The following LRP1B variants were observed in gnomAD, a reference collection of about 807,000 sequenced individuals.
The protein encoded by LRP1B is low-density lipoprotein receptor-related protein 1B.
In LRP1B, 217 loss-of-function variants were observed where a neutral mutation model predicts 556.6. The ratio of observed to expected loss-of-function variants is 0.39; its 90% CI spans 0.35 to 0.44. The LOEUF is 0.44. Ranked by LOEUF, LRP1B falls within the 20% of genes least tolerant of loss-of-function variation. LRP1B has a pLI of 1.00. For missense variants in LRP1B, 5,053 were observed against 5,620.8 expected, an observed-to-expected ratio of 0.90 and a Z score of 3.23; for synonymous variants, 2,047 against 1,865.8, an observed-to-expected ratio of 1.10 and a Z score of -2.50.
At position 140,291,100 on chromosome 2, in the gene LRP1B, CAT is replaced by C. The variant is rs545689751; in HGVS notation, c.12967+6706_12967+6707del. ...ACGTCTCCGGGATGAAAATATTACA[CAT>C]GTTTACTGAGTGTGATTTATCTTGC... On this transcript the variant is annotated intron_variant, in intron 84 of 90. Coordinates refer to ENST00000389484, the MANE Select transcript of LRP1B (RefSeq NM_018557.3). Among the ~76,000 whole-genome samples the C allele has an allele frequency of 2.2e-3, 328 of 151,470 alleles. 1 individual carries two copies. The highest frequency in any genetic ancestry group is 5.9e-3 in the African/African-American group (246 of 41,424).
At chr2:141,705,396 T>A (rs980127785) in intron 2 of LRP1B, among the ~76,000 whole-genome samples, 2 of 151,900 alleles carry the variant, frequency 1.3e-5, no homozygotes, top group Non-Finnish European at 2.9e-5. Context: ...ACCAGAGCCT[T>A]TCTCAGCTTC....
At chr2:140,755,814 T>C (rs929013451) in intron 35 of LRP1B, among the ~76,000 whole-genome samples, 2 of 151,964 alleles carry the variant, frequency 1.3e-5, no homozygotes, top group Non-Finnish European at 2.9e-5. Flanking sequence ...CTGTTTAACA[T>C]AGTACTGAAA....
At chr2:142,097,216 C>G (rs1169069933) in intron 1 of LRP1B, among the ~76,000 whole-genome samples, 2 of 151,752 alleles carry the variant, frequency 1.3e-5, no homozygotes, top group South Asian at 4.1e-4. Flanking sequence ...CATAAGAAAA[C>G]CTTCACACAT....
At chr2:141,519,503 G>A (rs11677666) in intron 2 of LRP1B, among the ~76,000 whole-genome samples, 96,223 of 150,436 alleles carry the variant, frequency 0.64, 30,919 homozygotes, top group South Asian at 0.7. Flanking sequence ...TGAATTCTCA[G>A]TTGAAGTATG....
chr2:141,728,177 T>C (rs1693117688), intron 2 of LRP1B, among the ~76,000 whole-genome samples: 1 of 152,098 alleles, frequency 6.6e-6, no homozygotes, highest in Admixed American at 6.6e-5. Flanking sequence ...GAGAAGAACT[T>C]GCAAAGCAAA....
intron 2 of LRP1B, among the ~76,000 whole-genome samples, chr2:141,551,563 T>G (rs1040695924): frequency 2.0e-5 from 3 of 152,098 alleles, no homozygotes; most frequent in African/African-American, 7.2e-5. Flanking sequence ...CGAACAATTT[T>G]GGCAAAATGA....
At chr2:141,457,254 T>C (rs1249696330) in intron 3 of LRP1B, among the ~76,000 whole-genome samples, 2 of 152,142 alleles carry the variant, frequency 1.3e-5, no homozygotes, top group African/African-American at 4.8e-5. Flanking sequence ...TTTAGGTTAC[T>C]ATATGGAAGG....
chr2:140,575,162 T>C (rs1368844040), intron 43 of LRP1B, among the ~76,000 whole-genome samples: 2 of 152,112 alleles, frequency 1.3e-5, no homozygotes, highest in African/African-American at 2.4e-5. Context: ...TGTATAGATA[T>C]GAGGAGTTGA....
chr2:141,434,829 G>A (rs1332969749), intron 3 of LRP1B, among the ~76,000 whole-genome samples: 2 of 152,126 alleles, frequency 1.3e-5, no homozygotes, highest in African/African-American at 4.8e-5. Flanking sequence ...TATTCCCCCA[G>A]TGGTACAACT....
intron 7 of LRP1B, among the ~76,000 whole-genome samples, chr2:141,187,202 T>G (rs1394407281): frequency 2.0e-5 from 3 of 152,110 alleles, no homozygotes; most frequent in African/African-American, 7.2e-5. Context: ...AGTAACCATC[T>G]GCTGCAAATA....
intron 18 of LRP1B, among the ~76,000 whole-genome samples, chr2:140,959,555 G>A (rs1573923180): frequency 2.6e-5 from 4 of 151,370 alleles, no homozygotes; most frequent in South Asian, 4.2e-4. Context: ...ATCCCAAGAA[G>A]TAATTAAGAA....
chr2:141,758,274 A>C (rs975084866), intron 2 of LRP1B, among the ~76,000 whole-genome samples: 1 of 152,216 alleles, frequency 6.6e-6, no homozygotes, highest in Non-Finnish European at 1.5e-5. Flanking sequence ...ACTGCTTTGT[A>C]TAATCCAATT....
intron 32 of LRP1B, among the ~76,000 whole-genome samples, chr2:140,806,821 C>T (rs17575267): frequency 0.45 from 68,959 of 151,974 alleles, 16,841 homozygotes; most frequent in East Asian, 0.58. Context: ...CCTTCTATTT[C>T]GTGAATTCCG....
At chr2:140,684,258 T>A (rs1685970081) in intron 41 of LRP1B, among the ~76,000 whole-genome samples, 1 of 152,248 alleles carries the variant, frequency 6.6e-6, no homozygotes, top group Admixed American at 6.5e-5. Context: ...TCTTTTTTAC[T>A]AATTTTGAAA....
intron 2 of LRP1B, among the ~76,000 whole-genome samples, chr2:141,673,646 T>G (rs575326918): frequency 1.6e-3 from 241 of 152,250 alleles, no homozygotes; most frequent in African/African-American, 5.6e-3. Context: ...TTTGGGGCCA[T>G]ATTATTGTCT....
intron 2 of LRP1B, among the ~76,000 whole-genome samples, chr2:141,581,650 T>C (rs544003598): frequency 2.0e-5 from 3 of 152,334 alleles, no homozygotes; most frequent in East Asian, 1.9e-4. Context: ...CACTGAGTTA[T>C]AGATAATTAC....
rs2105004301 is a variant in LRP1B at position 140,536,718 on chromosome 2, A to G, written c.7514-9T>C. 1 of 1,221,454 alleles carries G rather than the reference A, an allele frequency of 8.2e-7. No individual in the cohort carries two copies. The highest frequency in any genetic ancestry group is 1.6e-5 in the South Asian group (1 of 62,036). 75.7% of individuals were successfully genotyped at this position (1,221,454 alleles called of 1,614,324 possible). ...GCAGGAGGAATTTTTAGCTGCAAGA[A>G]AAAAAAAAAAAGTCAATACTTTTGT... On this transcript the variant is annotated splice_polypyrimidine_tract_variant and intron_variant, in intron 45 of 90. Coordinates refer to ENST00000389484, the MANE Select transcript of LRP1B (RefSeq NM_018557.3).
intron 7 of LRP1B, among the ~76,000 whole-genome samples, chr2:141,108,291 G>T (rs1387341061): frequency 2.9e-5 from 4 of 139,616 alleles, no homozygotes; most frequent in Non-Finnish European, 3.1e-5. Context: ...TAATAGCAAA[G>T]ATATTTTAAT....
At chr2:141,088,354 T>C (rs1366611246) in intron 7 of LRP1B, among the ~76,000 whole-genome samples, 2 of 152,304 alleles carry the variant, frequency 1.3e-5, no homozygotes, top group South Asian at 2.1e-4. Context: ...TCTCTTTCTT[T>C]ATAGAAGCAG....
Sources: allele counts gnomAD v4.1 joint callset (sites outside exome capture counted in the v4.1 genomes callset), GRCh38; gene constraint gnomAD v4.1.1; transcripts MANE v1.5; gene names NCBI Gene and HGNC (gene_info 2026-07-23, HGNC 2026-07-21).